The following TCEA3 variants were observed in gnomAD, a reference collection of about 807,000 sequenced individuals.
TCEA3 encodes the protein transcription elongation factor A3.
TCEA3 carries 36 observed loss-of-function variants against 44.0 expected under a neutral mutation model. That is an observed-to-expected ratio of 0.82 (90% CI 0.63 to 1.08). TCEA3 has a LOEUF of 1.08. Among genes scored for constraint, TCEA3 ranks in the 50% least tolerant of loss-of-function variants. The probability of loss-of-function intolerance (pLI) is 0.00; values close to 1 mark genes in which losing one functional copy is unlikely to be tolerated. For missense variants in TCEA3, 392 were observed against 441.2 expected, an observed-to-expected ratio of 0.89 and a Z score of 1.00; for synonymous variants, 162 against 159.7, an observed-to-expected ratio of 1.01 and a Z score of -0.11.
intron 5 of TCEA3, among the ~76,000 whole-genome samples, chr1:23,405,904 A>C (rs1468151603): frequency 6.6e-6 from 1 of 152,096 alleles, no homozygotes; most frequent in African/African-American, 2.4e-5. Flanking sequence ...TTATCCAGGA[A>C]AGTCCTTCAC....
intron 10 of TCEA3, among the ~76,000 whole-genome samples, chr1:23,383,279 CAAAAAAAAA>C (rs10604385): frequency 8.4e-6 from 1 of 118,516 alleles, no homozygotes; most frequent in South Asian, 2.7e-4. Context: ...GACTCCATCT[CAAAAAAAAA>C]AAAAAAAAAA....
Position 23,417,988 on chromosome 1 carries a change from C to G in TCEA3, c.154G>C (p.Val52Leu), listed in dbSNP as rs749739623. 7.4e-6 allele frequency: 12 copies of G among 1,613,974 alleles called. No homozygotes were observed. Among genetic ancestry groups the G allele is most frequent in the Admixed American group, 6.7e-5 (4 of 60,014 alleles). Reference sequence around the variant, plus strand: ...GAGCAGTGCTTGCGGACCCCATTAACAGCAACTCCAATCCTGGTTGTCTGC... The same window carrying G: ...GAGCAGTGCTTGCGGACCCCATTAAGAGCAACTCCAATCCTGGTTGTCTGC... ...LLQTTRIGVA[V>L]NGVRKHCSDK... The change falls in exon 3 of 11, where the codon GTT becomes CTT. Residue 52 changes from valine to leucine, a missense_variant. Coordinates refer to ENST00000450454, the MANE Select transcript of TCEA3 (RefSeq NM_003196.3).
chr1:23,396,583 C>T (rs1639222345), intron 7 of TCEA3, among the ~76,000 whole-genome samples: 1 of 152,138 alleles, frequency 6.6e-6, no homozygotes, highest in South Asian at 2.1e-4. Context: ...CAGTTCTGAG[C>T]CTCAGACTCC....
chr1:23,416,218 C>T (rs1243041599), intron 4 of TCEA3, among the ~76,000 whole-genome samples: 1 of 152,030 alleles, frequency 6.6e-6, no homozygotes, highest in Admixed American at 6.6e-5. Flanking sequence ...GTTGGTCAGG[C>T]TGGTCTCGAA....
At chr1:23,405,824 T>C (rs1639528512) in intron 5 of TCEA3, among the ~76,000 whole-genome samples, 1 of 152,182 alleles carries the variant, frequency 6.6e-6, no homozygotes, top group South Asian at 2.1e-4. Context: ...GTCGAGTGTT[T>C]TGATTACAGC....
At chr1:23,389,307 G>A (rs1311647344) in intron 8 of TCEA3, among the ~76,000 whole-genome samples, 1 of 152,082 alleles carries the variant, frequency 6.6e-6, no homozygotes, top group African/African-American at 2.4e-5. Flanking sequence ...GGTCAACATG[G>A]TGAAACCCCA....
intron 4 of TCEA3, among the ~76,000 whole-genome samples, chr1:23,414,151 C>A (rs1223165726): frequency 1.3e-5 from 2 of 150,666 alleles, no homozygotes; most frequent in Admixed American, 6.6e-5. Flanking sequence ...CAGTGGCACG[C>A]TCTCAGCTCA....
chr1:23,406,000 A>G (rs1267424301), intron 5 of TCEA3, among the ~76,000 whole-genome samples: 2 of 152,154 alleles, frequency 1.3e-5, no homozygotes, highest in Admixed American at 1.3e-4. Flanking sequence ...ACTTTGGCCC[A>G]AGTCATAGTG....
At chr1:23,406,161 C>A (rs1347448423) in intron 5 of TCEA3, among the ~76,000 whole-genome samples, 1 of 152,314 alleles carries the variant, frequency 6.6e-6, no homozygotes, top group East Asian at 1.9e-4. Flanking sequence ...GCCTCAGACT[C>A]CCTCTCCAAT....
chr1:23,382,706 C>T (rs12076866), intron 10 of TCEA3, among the ~76,000 whole-genome samples: 3,998 of 152,278 alleles, frequency 0.026, 186 homozygotes, highest in African/African-American at 0.09. Flanking sequence ...CTCAAAACAG[C>T]TCTGTGGGCT....
In TCEA3 at chr1:23,383,840, T is replaced by C. The variant is rs1015107366; in HGVS notation, c.1038+506A>G. 7.1e-6 allele frequency: 7 copies of C among 987,282 alleles called. No individual in the cohort carries two copies. The African/African-American group carries it at 1.0e-4, about 15-fold the overall frequency. The allele number at this position is 987,282 out of a possible 1,614,324, so 61.2% of individuals were successfully genotyped here. A position where few individuals can be genotyped will look rare whatever the true frequency, so the allele number is the denominator to read the frequency against. ...TGCCTTTGCAGGAGCTGGGGCAGTC[T>C]GAGTTACAGACTTGGGTAAGACTTT... is the stretch of plus-strand genomic sequence containing the variant. On this transcript the variant is annotated intron_variant, in intron 10 of 10. Coordinates refer to ENST00000450454, the MANE Select transcript of TCEA3 (RefSeq NM_003196.3).
chr1:23,387,624 T>C (rs1570226922), intron 8 of TCEA3, among the ~76,000 whole-genome samples: 1 of 152,096 alleles, frequency 6.6e-6, no homozygotes, highest in Non-Finnish European at 1.5e-5. Flanking sequence ...GGCTGGAAGG[T>C]CATAATGCAC....
In TCEA3 at chr1:23,392,690, C is replaced by A. The variant is rs532978169; in HGVS notation, c.819+1189G>T. 1.0e-4 allele frequency among the ~76,000 whole-genome samples: 13 copies of A among 127,636 alleles called. No individual in the cohort carries two copies. In the East Asian group the frequency reaches 3.1e-3, roughly 30 times the overall value. The allele number at this position is 127,636 out of a possible 152,430, so 83.7% of individuals were successfully genotyped here. ...CCACACACACTCCACACATCACACACACACACTCCACATATCATACATGCC... is the reference window on the plus strand; with the variant it reads ...CCACACACACTCCACACATCACACAAACACACTCCACATATCATACATGCC... On this transcript the variant is annotated intron_variant, in intron 8 of 10. Coordinates refer to ENST00000450454, the MANE Select transcript of TCEA3 (RefSeq NM_003196.3).
intron 4 of TCEA3, among the ~76,000 whole-genome samples, chr1:23,413,997 T>TAC (rs1052053027): frequency 4.1e-5 from 6 of 147,704 alleles, no homozygotes; most frequent in Non-Finnish European, 7.5e-5. Context: ...TATATATATA[T>TAC]ATATATATAT....
Position 23,384,394 on chromosome 1 carries a change from C to T in TCEA3, c.990G>A (p.Glu330=), listed in dbSNP as rs1235719669. The change falls in exon 10 of 11, where the codon GAG becomes GAA. Residue 330 remains glutamate (E), a synonymous_variant. Transcript: ENST00000450454. ...YNQVQTRSAD[E]PMTTFVLCNE... is the part of the protein sequence containing the mutation. ...TGCATAAGACAAAGGTAGTCATGGG[C>T]TCATCAGCACTGCGTGTCTGCACCT... 1.2e-6 allele frequency: 2 copies of T among 1,613,608 alleles called. No individual in the cohort carries two copies. The highest frequency in any genetic ancestry group is 1.7e-6 in the Non-Finnish European group (2 of 1,179,736).
chr1:23,414,132 G>C (rs1339483747), intron 4 of TCEA3, among the ~76,000 whole-genome samples: 1 of 151,888 alleles, frequency 6.6e-6, no homozygotes, highest in Non-Finnish European at 1.5e-5. Flanking sequence ...TGTAGCACAG[G>C]CTGGCGTGCA....
chr1:23,384,354 G>C lies in TCEA3; in HGVS notation c.1030C>G (p.Arg344Gly). 6.2e-7 allele frequency: 1 copy of C among 1,613,964 alleles called. No homozygotes were observed. Among genetic ancestry groups the C allele is most frequent in the Non-Finnish European group, 8.5e-7 (1 of 1,179,892 alleles). The change falls in exon 10 of 11, where the codon CGC becomes GGC. Residue 344 changes from arginine to glycine, a missense_variant. Coordinates refer to ENST00000450454, the MANE Select transcript of TCEA3 (RefSeq NM_003196.3). ...TACATAAACATACAGACCTTCCAGC[G>C]ATTGCCACATTCATTGCATAAGACA... ...TFVLCNECGN[R>G]WKFC
At chr1:23,388,632 T>A (rs1299003555) in intron 8 of TCEA3, among the ~76,000 whole-genome samples, 2 of 152,176 alleles carry the variant, frequency 1.3e-5, no homozygotes, top group African/African-American at 4.8e-5. Flanking sequence ...CAGATTCCTA[T>A]GAATCTGAAT....
At chr1:23,399,862 G>A (rs1639347211) in intron 5 of TCEA3, among the ~76,000 whole-genome samples, 1 of 152,172 alleles carries the variant, frequency 6.6e-6, no homozygotes, top group South Asian at 2.1e-4. Context: ...TTTTAGTAGA[G>A]ATGGGGTTTT....
Sources: gnomAD v4.1 joint callset for allele counts (sites outside exome capture counted in the v4.1 genomes callset) on GRCh38, gnomAD v4.1.1 for gene constraint, MANE v1.5 for transcripts, NCBI Gene and HGNC (gene_info 2026-07-23, HGNC 2026-07-21) for gene names.